CHRM5: variants seen among roughly 807,000 people sequenced by gnomAD.
CHRM5 encodes the protein cholinergic receptor muscarinic 5.
In CHRM5, 18 loss-of-function variants were observed where a neutral mutation model predicts 39.0. The ratio of observed to expected loss-of-function variants is 0.46; its 90% CI spans 0.32 to 0.68. The LOEUF (loss-of-function observed/expected upper bound fraction) is 0.68. Ranked by LOEUF, CHRM5 falls within the 30% of genes least tolerant of loss-of-function variation. The pLI, the probability that CHRM5 is intolerant of heterozygous loss-of-function variation, is 0.04. For synonymous variants in CHRM5, 241 were observed against 246.3 expected (o/e 0.98, Z 0.20); for missense variants, 515 against 651.1 (o/e 0.79, Z 2.28).
At chr15:34,052,932 A>G (rs1034456130) in intron 2 of CHRM5, among the ~76,000 whole-genome samples, 7 of 152,180 alleles carry the variant, frequency 4.6e-5, no homozygotes, top group Non-Finnish European at 7.3e-5. Context: ...AAAGTAGTTT[A>G]TAGATTCAAT....
chr15:34,048,421 G>A (rs943822680), intron 2 of CHRM5, among the ~76,000 whole-genome samples: 6 of 150,550 alleles, frequency 4.0e-5, no homozygotes, highest in Non-Finnish European at 5.9e-5. Flanking sequence ...GAGCACAGCT[G>A]CTTTGCCAGA....
Position 34,064,548 on chromosome 15 carries a change from G to A in CHRM5, c.*232G>A, listed in dbSNP as rs1289351909. ...ACCAAGGCCATTTGATGCCAGGGGA[G>A]TTTGCCAATGAAGTAAAGGGATAGG... On this transcript the variant is annotated 3_prime_UTR_variant, in exon 3 of 3. Coordinates refer to ENST00000383263, the MANE Select transcript of CHRM5 (RefSeq NM_012125.4). The A allele has an allele frequency of 1.8e-6, 1 of 569,406 alleles. No individual in the cohort carries two copies. Among genetic ancestry groups the A allele is most frequent in the Non-Finnish European group, 3.2e-6 (1 of 316,904 alleles). The allele number at this position is 569,406 out of a possible 1,614,324, so 35.3% of individuals were successfully genotyped here.
intron 1 of CHRM5, among the ~76,000 whole-genome samples, chr15:34,015,232 C>A (rs990457221): frequency 6.6e-6 from 1 of 152,110 alleles, no homozygotes; most frequent in Non-Finnish European, 1.5e-5. Flanking sequence ...GCCTGTAATC[C>A]CAGCACTTTC....
At chr15:34,057,567 A>T (rs1385517608) in intron 2 of CHRM5, among the ~76,000 whole-genome samples, 1 of 152,182 alleles carries the variant, frequency 6.6e-6, no homozygotes. Flanking sequence ...CCTATGAGGT[A>T]AGGACTGTTT....
At chr15:34,043,059 A>C (rs1050687950) in intron 1 of CHRM5, among the ~76,000 whole-genome samples, 6 of 152,036 alleles carry the variant, frequency 3.9e-5, no homozygotes, top group Non-Finnish European at 7.4e-5. Flanking sequence ...CATCCTGGCT[A>C]ACACAGTGAA....
chr15:34,064,098 A>C lies in CHRM5; in HGVS notation c.1381A>C (p.Met461Leu). ...FIITWTPYNI[M>L]VLVSTFCDKC... ...CATCACATGGACCCCGTATAACATC[A>C]TGGTCCTGGTTTCTACCTTCTGTGA... The change falls in exon 3 of 3, where the codon ATG becomes CTG. Residue 461 changes from methionine to leucine, a missense_variant. Met to Leu is a conservative substitution (Grantham distance 15). Transcript: ENST00000383263. The C allele has an allele frequency of 1.2e-6, 2 of 1,614,138 alleles. No homozygotes were observed. The highest frequency in any genetic ancestry group is 1.7e-6 in the Non-Finnish European group (2 of 1,180,020).
chr15:34,024,336 T>C (rs1416477131), intron 1 of CHRM5, among the ~76,000 whole-genome samples: 1 of 152,020 alleles, frequency 6.6e-6, no homozygotes, highest in Non-Finnish European at 1.5e-5. Context: ...TGAAGAGTGA[T>C]GGGCGGCAAT....
chr15:34,021,700 CA>C (rs1247136823), intron 1 of CHRM5, among the ~76,000 whole-genome samples: 1 of 151,658 alleles, frequency 6.6e-6, no homozygotes, highest in Non-Finnish European at 1.5e-5. Context: ...ACTAAAAATA[CA>C]AAAATTAACT....
At chr15:34,056,667 G>A (rs1475487515) in intron 2 of CHRM5, among the ~76,000 whole-genome samples, 1 of 152,132 alleles carries the variant, frequency 6.6e-6, no homozygotes, top group Non-Finnish European at 1.5e-5. Flanking sequence ...TCTCCTCAAG[G>A]TTGTTCTGCT....
At chr15:34,017,480 TTTTG>T (rs1473976708) in intron 1 of CHRM5, among the ~76,000 whole-genome samples, 2 of 50,228 alleles carry the variant, frequency 4.0e-5, no homozygotes, top group East Asian at 5.6e-4. Flanking sequence ...ATGATTTTTT[TTTTG>T]TTTTTTTTTT....
chr15:34,008,482 CCTTTTTTTTTTTTT>C (rs1484781260), intron 1 of CHRM5, among the ~76,000 whole-genome samples: 5 of 71,516 alleles, frequency 7.0e-5, no homozygotes, highest in Non-Finnish European at 1.9e-4. Flanking sequence ...TGATGAAAAA[CCTTTTTTTTTTTTT>C]TTTTTTTTTT....
At chr15:34,005,520 C>T (rs7178446) in intron 1 of CHRM5, among the ~76,000 whole-genome samples, 23,516 of 152,084 alleles carry the variant, frequency 0.15, 2,262 homozygotes, top group Middle Eastern at 0.28. Flanking sequence ...GGCTAAAATA[C>T]AGATGCTGCT....
chr15:34,017,497 T>TTTTTTTTTTTTTTTTTTTTG, intron 1 of CHRM5, among the ~76,000 whole-genome samples: 1 of 133,364 alleles, frequency 7.5e-6, no homozygotes, highest in Non-Finnish European at 1.7e-5. Context: ...TTTTTTTTTT[T>TTTTTTTTTTTTTTTTTTTTG]TTTGAGACAG....
intron 1 of CHRM5, chr15:34,018,323 C>T (rs1034011576): frequency 5.3e-5 from 8 of 152,226 alleles, no homozygotes; most frequent in South Asian, 4.1e-4. Flanking sequence ...AGAATGAAGC[C>T]GCAGACCGTC....
chr15:34,057,187 G>A (rs1215767027), intron 2 of CHRM5, among the ~76,000 whole-genome samples: 3 of 150,130 alleles, frequency 2.0e-5, no homozygotes, highest in Non-Finnish European at 4.4e-5. Flanking sequence ...AGGCTGGAGT[G>A]CAGTCGCATG....
chr15:34,048,835 A>T (rs748088369), intron 2 of CHRM5, among the ~76,000 whole-genome samples: 3 of 152,228 alleles, frequency 2.0e-5, no homozygotes, highest in Non-Finnish European at 4.4e-5. Context: ...CTCCAAAGGA[A>T]GGAGCAGTCT....
intron 1 of CHRM5, among the ~76,000 whole-genome samples, chr15:33,969,354 T>C (rs948549335): frequency 3.9e-5 from 6 of 151,996 alleles, no homozygotes; most frequent in African/African-American, 1.4e-4. Flanking sequence ...AAAACTCCCA[T>C]TCATTTTTCA....
chr15:33,985,237 G>T (rs752623959), intron 1 of CHRM5, among the ~76,000 whole-genome samples: 1 of 151,848 alleles, frequency 6.6e-6, no homozygotes, highest in Admixed American at 6.5e-5. Flanking sequence ...AGAGACAAAA[G>T]GTGTCTCTGG....
intron 2 of CHRM5, among the ~76,000 whole-genome samples, chr15:34,058,973 T>C (rs535684921): frequency 4.6e-5 from 7 of 152,300 alleles, no homozygotes; most frequent in Admixed American, 1.3e-4. Flanking sequence ...CTTGGCTCAC[T>C]GCAACCTCCA....
Sources: allele counts gnomAD v4.1 joint callset (sites outside exome capture counted in the v4.1 genomes callset), GRCh38; gene constraint gnomAD v4.1.1; transcripts MANE v1.5; gene names NCBI Gene and HGNC (gene_info 2026-07-23, HGNC 2026-07-21).